SH2B3: variants seen among roughly 807,000 people sequenced by gnomAD.
SH2B3 encodes SH2B adapter protein 3.
A neutral mutation model predicts 51.9 loss-of-function variants in SH2B3; 43 were observed. The observed-to-expected ratio is 0.83, with a 90% CI of 0.65 to 1.07. The LOEUF (loss-of-function observed/expected upper bound fraction) is 1.07. Ranked by LOEUF, SH2B3 falls within the 50% of genes least tolerant of loss-of-function variation. The pLI, the probability that SH2B3 is intolerant of heterozygous loss-of-function variation, is 0.00. For synonymous variants in SH2B3, 396 were observed against 376.0 expected (o/e 1.05, Z -0.62); for missense variants, 952 against 834.3 (o/e 1.14, Z -1.74).
intron 2 of SH2B3, chr12:111,434,761 T>C: frequency 6.9e-7 from 1 of 1,444,760 alleles, no homozygotes; most frequent in Non-Finnish European, 9.1e-7. Flanking sequence ...GCTTTTGTTA[T>C]GGGTGGCTGG....
chr12:111,445,887 G>GTAT (rs1196643794), intron 2 of SH2B3, among the ~76,000 whole-genome samples: 1 of 152,254 alleles, frequency 6.6e-6, no homozygotes, highest in African/African-American at 2.4e-5. Context: ...CCAGTCCAAG[G>GTAT]TATGCCCTTT....
Position 111,447,775 on chromosome 12 carries a change from C to T in SH2B3, c.1356C>T (p.Ala452=). The T allele has an allele frequency of 4.3e-6, 7 of 1,614,150 alleles. No homozygotes were observed. Among genetic ancestry groups the T allele is most frequent in the African/African-American group, 2.7e-5 (2 of 75,042 alleles). The change falls in exon 7 of 8, where the codon GCC becomes GCT. Residue 452 remains alanine, a synonymous_variant. Coordinates refer to ENST00000341259, the MANE Select transcript of SH2B3 (RefSeq NM_005475.3). The part of the protein sequence containing the change: ...QRSPIPLECG[A]ACDVRLSSYV... ...CGCCCATCCCACTCGAGTGCGGCGC[C>T]GCCTGTGATGTCCGGCTCTCCAGCT...
rs1050546432 is a variant in SH2B3, at chr12:111,449,044, G to A, written c.*742G>A. 26 of 152,426 alleles carry A rather than the reference G, an allele frequency of 1.7e-4. No individual in the cohort carries two copies. The highest frequency in any genetic ancestry group is 5.1e-4 in the African/African-American group (21 of 41,380). 9.4% of individuals were successfully genotyped at this position (152,426 alleles called of 1,614,324 possible). On this transcript the variant is annotated 3_prime_UTR_variant, in exon 8 of 8. Transcript: ENST00000341259. ...ATGCTGGCTTGTCTACTGCATCCTC[G>A]GGACAGTCACCTGCCACTGAGTGGC...
rs2050083464 is a variant in SH2B3, at chr12:111,429,331, T to C, written c.732+10454T>C. ...GGCATCACTGGCGTTGTCATTTTTA[T>C]TTATTATTTATTTATTTAGAGACAG... is the stretch of plus-strand genomic sequence containing the variant. On this transcript the variant is annotated intron_variant, in intron 2 of 7. Coordinates refer to ENST00000341259, the MANE Select transcript of SH2B3 (RefSeq NM_005475.3). The surrounding 1 kb of genome is among the most constrained non-coding windows in gnomAD (Gnocchi z 4.4). 6.6e-6 allele frequency among the ~76,000 whole-genome samples: 1 copy of C among 152,122 alleles called. No individual in the cohort carries two copies. Among genetic ancestry groups the C allele is most frequent in the African/African-American group, 2.4e-5 (1 of 41,444 alleles).
chr12:111,414,293 A>G (rs1187226156), intron 1 of SH2B3, among the ~76,000 whole-genome samples: 1 of 152,174 alleles, frequency 6.6e-6, no homozygotes, highest in Non-Finnish European at 1.5e-5. Flanking sequence ...CCTGTGATGT[A>G]CAAAACTGTC....
intron 2 of SH2B3, among the ~76,000 whole-genome samples, chr12:111,437,194 G>A (rs1872956036): frequency 6.6e-6 from 1 of 152,330 alleles, no homozygotes; most frequent in Non-Finnish European, 1.5e-5. Context: ...TTTACTGGGT[G>A]ACGGATGGAT....
At chr12:111,416,928 ACT>A (rs1871129419) in intron 1 of SH2B3, among the ~76,000 whole-genome samples, 1 of 152,074 alleles carries the variant, frequency 6.6e-6, no homozygotes, top group African/African-American at 2.4e-5. Flanking sequence ...AGAGGTACCC[ACT>A]GTTTCAGGAT....
At chr12:111,423,671 G>C (rs967898806) in intron 2 of SH2B3, among the ~76,000 whole-genome samples, 1 of 150,812 alleles carries the variant, frequency 6.6e-6, no homozygotes, top group African/African-American at 2.4e-5. Flanking sequence ...CGCCCGTCCA[G>C]GGTTCTTAAC....
chr12:111,451,460 T>C lies in SH2B3; in HGVS notation c.*3158T>C, dbSNP rs985517393. 3 of 152,802 alleles carry C rather than the reference T, an allele frequency of 2.0e-5. No homozygotes were observed. Among genetic ancestry groups the C allele is most frequent in the South Asian group, 2.1e-4 (1 of 4,834 alleles). The allele number at this position is 152,802 out of a possible 1,614,324, so 9.5% of individuals were successfully genotyped here. On this transcript the variant is annotated 3_prime_UTR_variant, in exon 8 of 8. Coordinates refer to ENST00000341259, the MANE Select transcript of SH2B3 (RefSeq NM_005475.3). ...GGTTAGAATATACAGCACATTGTGATAACATAAAGTGGATTCATCTTGTAT... is the reference window on the plus strand; with the variant it reads ...GGTTAGAATATACAGCACATTGTGACAACATAAAGTGGATTCATCTTGTAT...
At chr12:111,415,746 C>G (rs975412972) in intron 1 of SH2B3, among the ~76,000 whole-genome samples, 2 of 151,066 alleles carry the variant, frequency 1.3e-5, no homozygotes, top group African/African-American at 2.4e-5. Flanking sequence ...CTCACCCTCC[C>G]GAGTAGCTGG....
In SH2B3 at chr12:111,451,283, C is replaced by CT. The variant is rs1034823034; in HGVS notation, c.*2983dup. ...CAGTTTCTTAACCTAAAGTCAAGGC[C>CT]TTGGACTCTTCCCTGAGGGTTGCCT... On this transcript the variant is annotated 3_prime_UTR_variant, in exon 8 of 8. Coordinates refer to ENST00000341259, the MANE Select transcript of SH2B3 (RefSeq NM_005475.3). 1 of 152,622 alleles carries CT rather than the reference C, an allele frequency of 6.6e-6. No homozygotes were observed. Among genetic ancestry groups the CT allele is most frequent in the African/African-American group, 2.4e-5 (1 of 41,444 alleles). The allele number at this position is 152,622 out of a possible 1,614,324, so 9.5% of individuals were successfully genotyped here.
chr12:111,418,062 ACACCTGCTTGCC>A lies in SH2B3; in HGVS notation c.-27-47_-27-36del. On this transcript the variant is annotated intron_variant, in intron 1 of 7. Coordinates refer to ENST00000341259, the MANE Select transcript of SH2B3 (RefSeq NM_005475.3). The surrounding 1 kb of genome is among the most constrained non-coding windows in gnomAD (Gnocchi z 6.7). ...TGGTGCCCGGTGTGTAATGGGGCCTACACCTGCTTGCCCACCTGCTTACTCCTTGTCGCCCCC... is the reference window on the plus strand; with the variant it reads ...TGGTGCCCGGTGTGTAATGGGGCCTACACCTGCTTACTCCTTGTCGCCCCC... 1 of 1,346,630 alleles carries A rather than the reference ACACCTGCTTGCC, an allele frequency of 7.4e-7. No homozygotes were observed. The highest frequency in any genetic ancestry group is 9.9e-7 in the Non-Finnish European group (1 of 1,012,516). The allele number at this position is 1,346,630 out of a possible 1,614,324, so 83.4% of individuals were successfully genotyped here. A position where few individuals can be genotyped will look rare whatever the true frequency, so the allele number is the denominator to read the frequency against.
In SH2B3 at chr12:111,451,281, G is replaced by A. The variant is rs1352029961; in HGVS notation, c.*2979G>A. The A allele has an allele frequency of 6.6e-6, 1 of 152,632 alleles. No homozygotes were observed. Among genetic ancestry groups the A allele is most frequent in the Non-Finnish European group, 1.5e-5 (1 of 68,046 alleles). The allele number at this position is 152,632 out of a possible 1,614,324, so 9.5% of individuals were successfully genotyped here. ...AACAGTTTCTTAACCTAAAGTCAAGGCCTTGGACTCTTCCCTGAGGGTTGC... is the reference window on the plus strand; with the variant it reads ...AACAGTTTCTTAACCTAAAGTCAAGACCTTGGACTCTTCCCTGAGGGTTGC... On this transcript the variant is annotated 3_prime_UTR_variant, in exon 8 of 8. Coordinates refer to ENST00000341259, the MANE Select transcript of SH2B3 (RefSeq NM_005475.3).
intron 2 of SH2B3, among the ~76,000 whole-genome samples, chr12:111,426,180 T>C (rs1364798748): frequency 6.6e-6 from 1 of 152,050 alleles, no homozygotes; most frequent in Non-Finnish European, 1.5e-5. Context: ...TTCCTCCCAG[T>C]GTAGGGCAGG....
intron 2 of SH2B3, 40 bp from the exon 3 acceptor site, chr12:111,446,713 A>C (rs373672872): frequency 4.8e-4 from 554 of 1,161,910 alleles, no homozygotes; most frequent in Non-Finnish European, 6.1e-4. Flanking sequence ...AAGAAAGAGC[A>C]TCAGGAACAA....
intron 1 of SH2B3, among the ~76,000 whole-genome samples, chr12:111,413,092 C>A (rs982359191): frequency 6.6e-6 from 1 of 152,182 alleles, no homozygotes; most frequent in African/African-American, 2.4e-5. Context: ...TTGGGGGTCC[C>A]TTCTGTGTGG....
At chr12:111,434,941 T>C (rs1304346274) in intron 2 of SH2B3, 1 of 1,535,482 alleles carries the variant, frequency 6.5e-7, no homozygotes, top group Admixed American at 2.0e-5. Flanking sequence ...GAGGAGGACC[T>C]GGCCTGGCTG....
In SH2B3 at chr12:111,418,583, C is replaced by A. The variant is rs1332751929; in HGVS notation, c.438C>A (p.Phe146Leu). 2 of 1,486,608 alleles carry A rather than the reference C, an allele frequency of 1.3e-6. No homozygotes were observed. 92.1% of individuals were successfully genotyped at this position (1,486,608 alleles called of 1,614,324 possible). ...QHFRRSLRHI[F>L]RRRSAGELPA... ...TTCGCCGCAGCCTCCGCCACATCTT[C>A]CGCCGCCGCTCGGCCGGGGAGCTGC... The change falls in exon 2 of 8, where the codon TTC becomes TTA. Residue 146 changes from phenylalanine to leucine, a missense_variant. By Grantham distance (22) the Phe-to-Leu change is conservative (BLOSUM62 0). Coordinates refer to ENST00000341259, the MANE Select transcript of SH2B3 (RefSeq NM_005475.3). This position sits in a 1 kb window ranked among gnomAD's most constrained non-coding sequence, Gnocchi z 6.7.
At chr12:111,427,186 G>A (rs1872073098) in intron 2 of SH2B3, among the ~76,000 whole-genome samples, 1 of 152,006 alleles carries the variant, frequency 6.6e-6, no homozygotes, top group African/African-American at 2.4e-5. Context: ...AGGAGTTCAA[G>A]AGCAGCCTGG....
Sources: gnomAD v4.1 joint callset for allele counts (sites outside exome capture counted in the v4.1 genomes callset) on GRCh38, gnomAD v4.1.1 for gene constraint, Gnocchi (gnomAD v3.1) non-coding constraint, MANE v1.5 for transcripts, NCBI Gene and HGNC (gene_info 2026-07-23, HGNC 2026-07-21) for gene names.